The following TVP23C variants were observed in gnomAD, a reference collection of about 807,000 sequenced individuals.
TVP23C encodes the protein Golgi apparatus membrane protein TVP23 homolog C.
Under a neutral mutation model 28.7 loss-of-function variants are expected in TVP23C, and 19 were observed. The observed-to-expected ratio is 0.66, with a 90% CI of 0.46 to 0.97. The LOEUF is 0.97. Ranked by LOEUF, TVP23C falls within the 50% of genes least tolerant of loss-of-function variation. The pLI is 0.00. For missense variants in TVP23C, 186 were observed against 241.3 expected (o/e 0.77, Z 1.52); for synonymous variants, 68 against 81.7 (o/e 0.83, Z 0.90).
At chr17:15,559,828 A>T (rs1475610065) in intron 1 of TVP23C, among the ~76,000 whole-genome samples, 1 of 148,808 alleles carries the variant, frequency 6.7e-6, no homozygotes, top group African/African-American at 2.4e-5. Flanking sequence ...TGTCCTGAAC[A>T]ACTAAAAAGA....
chr17:15,536,659 T>C (rs1188126021), downstream of TVP23C, among the ~76,000 whole-genome samples: 1 of 151,538 alleles, frequency 6.6e-6, no homozygotes, highest in Non-Finnish European at 1.5e-5. Flanking sequence ...TATCCTTTGT[T>C]AGACTCTCAA....
At chr17:15,554,889 GA>G (rs1416784317) in intron 2 of TVP23C, among the ~76,000 whole-genome samples, 8 of 152,340 alleles carry the variant, frequency 5.3e-5, no homozygotes, top group Admixed American at 5.2e-4. Flanking sequence ...GGTTCAAGTA[GA>G]ATTTGCTTTC....
Position 15,506,801 on chromosome 17 carries a change from G to A in TVP23C, c.463-3569C>T, listed in dbSNP as rs1029706657. The A allele has an allele frequency of 1.5e-4, 77 of 522,038 alleles. 1 individual carries two copies. The Admixed American group carries it at 1.6e-3, about 11-fold the overall frequency. 32.3% of individuals were successfully genotyped at this position (522,038 alleles called of 1,614,324 possible). A position where few individuals can be genotyped will look rare whatever the true frequency, so the allele number is the denominator to read the frequency against. ...CCTTAAGAGCTGTAACACTCACCGC[G>A]AGGGTCCGCGGCTTCATTCTTGAAG... On this transcript the variant is annotated intron_variant, in intron 5 of 5. Coordinates refer to the TVP23C transcript ENST00000225576.
At chr17:15,502,583 C>T (rs995474027) in exon 6 of TVP23C, 12 of 408,386 alleles carry the variant, frequency 2.9e-5, no homozygotes, top group Non-Finnish European at 4.6e-5. Flanking sequence ...CCGCATGGCC[C>T]TGCCCCACAA....
intron 5 of TVP23C, among the ~76,000 whole-genome samples, chr17:15,507,917 TG>T (rs1981837244): frequency 6.6e-6 from 1 of 151,960 alleles, no homozygotes; most frequent in Admixed American, 6.6e-5. Context: ...ATCTGTAAAG[TG>T]GGGATAAAAA....
chr17:15,523,313 C>CT (rs1033716014), intron 5 of TVP23C, among the ~76,000 whole-genome samples: 36 of 140,082 alleles, frequency 2.6e-4, no homozygotes, highest in East Asian at 1.1e-3. Flanking sequence ...CCTTTTTTTT[C>CT]TTTTTTTTTT....
At chr17:15,563,251 C>A (rs1256507389) in intron 1 of TVP23C, 186 bp downstream of exon 1, 6 of 1,146,380 alleles carry the variant, frequency 5.2e-6, no homozygotes, top group African/African-American at 1.6e-5. Context: ...GGTCACGCCT[C>A]CCCCAGCGGC....
At chr17:15,532,806 CTTAAA>C (rs1454605200), downstream of TVP23C, among the ~76,000 whole-genome samples, 1 of 152,080 alleles carries the variant, frequency 6.6e-6, no homozygotes, top group African/African-American at 2.4e-5. Flanking sequence ...TAGGATTTCT[CTTAAA>C]TTAATATAAG....
At chr17:15,528,068 G>T in intron 5 of TVP23C, among the ~76,000 whole-genome samples, 1 of 151,936 alleles carries the variant, frequency 6.6e-6, no homozygotes, top group African/African-American at 2.4e-5. Context: ...TTCTAGTTTT[G>T]TTGTTTTCTC....
At chr17:15,503,755 A>G (rs932093696) in intron 5 of TVP23C, 1 of 152,284 alleles carries the variant, frequency 6.6e-6, no homozygotes, top group East Asian at 1.9e-4. Flanking sequence ...TGAAGTGGAA[A>G]TAAGTGGTTG....
intron 5 of TVP23C, among the ~76,000 whole-genome samples, chr17:15,505,807 G>GC (rs1446382371): frequency 0.013 from 1 of 78 alleles, no homozygotes. Context: ...GGCCAGCCCT[G>GC]CTGCCCCGGG....
intron 5 of TVP23C, among the ~76,000 whole-genome samples, chr17:15,544,107 G>A (rs1983540680): frequency 6.6e-6 from 1 of 151,714 alleles, no homozygotes; most frequent in South Asian, 2.1e-4. Flanking sequence ...GATTACAAAG[G>A]TTAAGTAAGC....
At chr17:15,512,193 T>C (rs775190255) in intron 5 of TVP23C, among the ~76,000 whole-genome samples, 3 of 152,252 alleles carry the variant, frequency 2.0e-5, no homozygotes, top group Non-Finnish European at 4.4e-5. Flanking sequence ...CCTCCTCTTC[T>C]GTCTTTCTTG....
At chr17:15,505,636 G>T (rs1287176605) in intron 5 of TVP23C, among the ~76,000 whole-genome samples, 1 of 152,228 alleles carries the variant, frequency 6.6e-6, no homozygotes, top group Non-Finnish European at 1.5e-5. Flanking sequence ...CACTGTGGGA[G>T]CCCCTTTCTG....
chr17:15,509,152 A>C (rs1420358506), intron 5 of TVP23C, among the ~76,000 whole-genome samples: 1 of 152,178 alleles, frequency 6.6e-6, no homozygotes, highest in Non-Finnish European at 1.5e-5. Context: ...TCATTCTCTG[A>C]TCTGGTTTCA....
intron 5 of TVP23C, among the ~76,000 whole-genome samples, chr17:15,506,139 C>G (rs1981728259): frequency 6.6e-6 from 1 of 152,242 alleles, no homozygotes; most frequent in South Asian, 2.1e-4. Flanking sequence ...CTAGGTGAAG[C>G]CAGCTGGGCT....
intron 5 of TVP23C, 131 bp from the exon 6 acceptor site, chr17:15,540,692 C>T: frequency 1.6e-6 from 1 of 607,062 alleles, no homozygotes. Flanking sequence ...CATGATTGTG[C>T]CAGTTGAGAT....
chr17:15,553,792 C>T lies in TVP23C; in HGVS notation c.133G>A (p.Val45Ile). 3.7e-6 allele frequency: 6 copies of T among 1,613,880 alleles called. No homozygotes were observed. Among genetic ancestry groups the T allele is most frequent in the Non-Finnish European group, 5.1e-6 (6 of 1,179,848 alleles). The change falls in exon 3 of 6, where the codon GTC becomes ATC. Residue 45 changes from valine (V) to isoleucine (I), a missense_variant. Transcript: ENST00000518321. ...VASFFHLFFR[V>I]SAIIVCLLCE... ...AGAAGACAGACGATGATTGCACTGA[C>T]TCGAAAGAATAAGTGGAAAAACGAT...
At position 15,537,935 on chromosome 17, in the gene TVP23C, T is replaced by C; in HGVS notation, c.*2477A>G. 1 of 1,446,504 alleles carries C rather than the reference T, an allele frequency of 6.9e-7. No homozygotes were observed. Among genetic ancestry groups the C allele is most frequent in the Non-Finnish European group, 9.1e-7 (1 of 1,102,002 alleles). The allele number at this position is 1,446,504 out of a possible 1,614,324, so 89.6% of individuals were successfully genotyped here. A position where few individuals can be genotyped will look rare whatever the true frequency, so the allele number is the denominator to read the frequency against. The stretch of plus-strand genomic sequence containing the variant: ...AATGTTTCTAGTGCCAACATATACT[T>C]TCTAGCCCCAACTGCTGGAAAGGAA... On this transcript the variant is annotated 3_prime_UTR_variant, in exon 6 of 6. Coordinates refer to ENST00000518321, the MANE Select transcript of TVP23C (RefSeq NM_001135036.2).
Sources: gnomAD v4.1 joint callset for allele counts (sites outside exome capture counted in the v4.1 genomes callset) on GRCh38, gnomAD v4.1.1 for gene constraint, MANE v1.5 for transcripts, NCBI Gene and HGNC (gene_info 2026-07-23, HGNC 2026-07-21) for gene names.